PDK1: variants seen among roughly 807,000 people sequenced by gnomAD.
The protein encoded by PDK1 is [Pyruvate dehydrogenase (acetyl-transferring)] kinase isozyme 1, mitochondrial.
Under a neutral mutation model 54.2 loss-of-function variants are expected in PDK1, and 39 were observed. That is an observed-to-expected ratio of 0.72 (90% CI 0.56 to 0.94). The LOEUF (loss-of-function observed/expected upper bound fraction) is 0.94, where lower values mean the gene tolerates loss of function less well. Among genes scored for constraint, PDK1 ranks in the 40% least tolerant of loss-of-function variants. The pLI is 0.00. For missense variants in PDK1, 552 were observed against 566.0 expected (o/e 0.98, Z 0.25); for synonymous variants, 221 against 207.1 (o/e 1.07, Z -0.58).
At chr2:172,681,910 A>T in the PDK1 span, among the ~76,000 whole-genome samples, 1 of 152,264 alleles carries the variant, frequency 6.6e-6, no homozygotes, top group East Asian at 1.9e-4. Context: ...GGCACCCGCC[A>T]CCACACCCGG....
chr2:172,575,482 A>G (rs1224069563), intron 8 of PDK1, among the ~76,000 whole-genome samples: 1 of 152,154 alleles, frequency 6.6e-6, no homozygotes, highest in Non-Finnish European at 1.5e-5. Flanking sequence ...TACTAGTTCA[A>G]TCTCTATTTG....
At chr2:172,713,091 G>C in the PDK1 span, among the ~76,000 whole-genome samples, 1 of 152,194 alleles carries the variant, frequency 6.6e-6, no homozygotes, top group Non-Finnish European at 1.5e-5. Flanking sequence ...AGGAGACCTG[G>C]AGTACCTGGA....
At chr2:172,657,576 C>T in the PDK1 span, among the ~76,000 whole-genome samples, 1 of 151,872 alleles carries the variant, frequency 6.6e-6, no homozygotes, top group Non-Finnish European at 1.5e-5. Flanking sequence ...GAGTTAAAAG[C>T]ATGATACCCC....
At chr2:172,594,956 T>C (rs1208730502) in intron 10 of PDK1, among the ~76,000 whole-genome samples, 1 of 152,142 alleles carries the variant, frequency 6.6e-6, no homozygotes, top group Non-Finnish European at 1.5e-5. Context: ...GTGACTGAAA[T>C]TGGAGGCCGG....
rs1295513800 is a variant in PDK1 at position 172,568,832 on chromosome 2, A to G, written c.846+15A>G. ...AACTTTTCAAGGTTTGTAAAATAGT[A>G]TTACATAACCTTTACCAGTACTTTT... On this transcript the variant is annotated intron_variant, in intron 7 of 10. Transcript: ENST00000282077. 1.4e-6 allele frequency: 2 copies of G among 1,441,222 alleles called. No homozygotes were observed. The highest frequency in any genetic ancestry group is 2.0e-6 in the Non-Finnish European group (2 of 1,022,180). 89.3% of individuals were successfully genotyped at this position (1,441,222 alleles called of 1,614,324 possible). A position where few individuals can be genotyped will look rare whatever the true frequency, so the allele number is the denominator to read the frequency against.
the PDK1 span, among the ~76,000 whole-genome samples, chr2:172,676,937 T>G: frequency 5.0e-4 from 76 of 152,258 alleles, 1 homozygote; most frequent in Middle Eastern, 6.8e-3. Context: ...CCACCAATAT[T>G]GAGGCAAGAC....
chr2:172,582,351 G>T (rs1336507372), intron 8 of PDK1, among the ~76,000 whole-genome samples: 1 of 152,190 alleles, frequency 6.6e-6, no homozygotes, highest in East Asian at 1.9e-4. Flanking sequence ...TGGCTTTAGA[G>T]CTGTCATCTA....
chr2:172,564,201 C>G, intron 3 of PDK1: 1 of 475,484 alleles, frequency 2.1e-6, no homozygotes, highest in Non-Finnish European at 4.1e-6. Flanking sequence ...CTCAGATGAC[C>G]TTAGTTGATA....
the PDK1 span, among the ~76,000 whole-genome samples, chr2:172,614,865 A>G: frequency 1.3e-5 from 2 of 152,208 alleles, no homozygotes; most frequent in Non-Finnish European, 2.9e-5. Context: ...ACACAAAAAG[A>G]TTTCATAAAA....
intron 3 of PDK1, chr2:172,562,830 T>A: frequency 6.2e-7 from 1 of 1,606,264 alleles, no homozygotes; most frequent in Non-Finnish European, 8.5e-7. Context: ...TAATAACCCA[T>A]ATACCAGAAT....
At chr2:172,700,395 C>G in the PDK1 span, among the ~76,000 whole-genome samples, 1 of 151,130 alleles carries the variant, frequency 6.6e-6, no homozygotes, top group Non-Finnish European at 1.5e-5. Context: ...CTCCTCAGTT[C>G]CCAGACGGGG....
chr2:172,685,792 A>T, the PDK1 span, among the ~76,000 whole-genome samples: 1 of 152,154 alleles, frequency 6.6e-6, no homozygotes, highest in East Asian at 1.9e-4. Flanking sequence ...AATTACCTCC[A>T]AAATTCCATA....
chr2:172,653,325 A>G, the PDK1 span, among the ~76,000 whole-genome samples: 249 of 152,276 alleles, frequency 1.6e-3, 7 homozygotes, highest in Admixed American at 0.012. Context: ...TTAATTCACC[A>G]GGCGCAGTGG....
chr2:172,556,017 G>C (rs551138964), upstream of PDK1: 1 of 600,504 alleles, frequency 1.7e-6, no homozygotes, highest in South Asian at 3.7e-5. Context: ...GCCGGGCTCC[G>C]GCTAGGAGGG....
chr2:172,631,343 C>T, the PDK1 span, among the ~76,000 whole-genome samples: 1 of 152,252 alleles, frequency 6.6e-6, no homozygotes, highest in African/African-American at 2.4e-5. Flanking sequence ...ACACAGTCCT[C>T]TCTTAAAGCA....
At chr2:172,711,155 T>C in the PDK1 span, among the ~76,000 whole-genome samples, 1,114 of 152,336 alleles carry the variant, frequency 7.3e-3, 17 homozygotes, top group African/African-American at 0.025. Context: ...CCAGCAATTG[T>C]CCTCACTGGC....
chr2:172,594,130 C>T (rs1416636914), intron 10 of PDK1, among the ~76,000 whole-genome samples: 3 of 151,596 alleles, frequency 2.0e-5, no homozygotes, highest in Admixed American at 6.6e-5. Flanking sequence ...CTCCGCCTCC[C>T]GGGTTCAAGC....
chr2:172,593,144 G>A (rs1690697298), intron 10 of PDK1, 96 bp downstream of exon 10: 1 of 597,816 alleles, frequency 1.7e-6, no homozygotes, highest in Non-Finnish European at 2.9e-6. Flanking sequence ...ACCACATGCT[G>A]TTTAAATAGA....
the PDK1 span, among the ~76,000 whole-genome samples, chr2:172,619,293 A>G: frequency 1.3e-5 from 2 of 152,138 alleles, no homozygotes; most frequent in South Asian, 2.1e-4. Context: ...AGGGATGCCC[A>G]CATTCTCTCC....
Sources: gnomAD v4.1 joint callset for allele counts (sites outside exome capture counted in the v4.1 genomes callset) on GRCh38, gnomAD v4.1.1 for gene constraint, MANE v1.5 for transcripts, NCBI Gene and HGNC (gene_info 2026-07-23, HGNC 2026-07-21) for gene names.